The following CELF1 variants were observed in gnomAD, a reference collection of about 807,000 sequenced individuals.
CELF1 encodes 50 kDa nuclear polyadenylated RNA-binding protein.
A neutral mutation model predicts 61.8 loss-of-function variants in CELF1; 10 were observed. The observed-to-expected ratio is 0.16, with a 90% CI of 0.10 to 0.27. The LOEUF is 0.27. Among genes scored for constraint, CELF1 ranks in the 10% least tolerant of loss-of-function variants. The pLI, the probability that CELF1 is intolerant of heterozygous loss-of-function variation, is 1.00. For missense variants in CELF1, 380 were observed against 639.1 expected (o/e 0.59, Z 4.37); for synonymous variants, 236 against 225.1 (o/e 1.05, Z -0.43).
chr11:47,522,126 T>C (rs1390294154), intron 1 of CELF1, among the ~76,000 whole-genome samples: 1 of 151,992 alleles, frequency 6.6e-6, no homozygotes, highest in African/African-American at 2.4e-5. Context: ...TTGGTCAGGC[T>C]GGTCTTGAAC....
At chr11:47,506,278 T>C (rs2094487647) in intron 1 of CELF1, among the ~76,000 whole-genome samples, 1 of 150,610 alleles carries the variant, frequency 6.6e-6, no homozygotes, top group Non-Finnish European at 1.5e-5. Flanking sequence ...TACAAAACAT[T>C]AGCCAGGCGT....
chr11:47,540,983 G>GT (rs1403838182), intron 1 of CELF1, among the ~76,000 whole-genome samples: 1 of 152,142 alleles, frequency 6.6e-6, no homozygotes, highest in Non-Finnish European at 1.5e-5. Flanking sequence ...ATCTAGCATG[G>GT]TAAGTTAGCA....
intron 6 of CELF1, among the ~76,000 whole-genome samples, chr11:47,485,698 C>T (rs1302347290): frequency 6.6e-6 from 1 of 151,764 alleles, no homozygotes; most frequent in Non-Finnish European, 1.5e-5. Flanking sequence ...TCTCCTGTCT[C>T]AGCCTCCTGA....
chr11:47,507,200 G>C (rs1415654128), intron 1 of CELF1, among the ~76,000 whole-genome samples: 1 of 152,182 alleles, frequency 6.6e-6, no homozygotes, highest in African/African-American at 2.4e-5. Context: ...AAATTTATGA[G>C]GTTGAATTTC....
chr11:47,506,221 T>TA (rs1565847774), intron 1 of CELF1, among the ~76,000 whole-genome samples: 1 of 150,762 alleles, frequency 6.6e-6, no homozygotes, highest in Admixed American at 6.7e-5. Context: ...GGTCAAGAGA[T>TA]AGAGACCATC....
At chr11:47,541,698 G>A (rs370940695) in intron 1 of CELF1, among the ~76,000 whole-genome samples, 54,571 of 71,106 alleles carry the variant, frequency 0.77, 19,174 homozygotes, top group East Asian at 0.84. Context: ...AAGAAAGAAA[G>A]AAAGAAAGAA....
chr11:47,533,548 G>C (rs879917342), intron 1 of CELF1, among the ~76,000 whole-genome samples: 27 of 152,304 alleles, frequency 1.8e-4, no homozygotes, highest in Non-Finnish European at 2.9e-4. Flanking sequence ...CTTAAACTCC[G>C]GAAGGCGGAA....
At chr11:47,489,654 A>T (rs2089949312) in intron 3 of CELF1, among the ~76,000 whole-genome samples, 1 of 152,178 alleles carries the variant, frequency 6.6e-6, no homozygotes, top group Non-Finnish European at 1.5e-5. Flanking sequence ...GAACATAAAC[A>T]ATGTTACCAT....
intron 1 of CELF1, among the ~76,000 whole-genome samples, chr11:47,545,384 T>C (rs1178323231): frequency 2.0e-5 from 3 of 152,110 alleles, no homozygotes; most frequent in Admixed American, 6.6e-5. Flanking sequence ...TGAGCCGAGA[T>C]TGAACCACTG....
intron 1 of CELF1, among the ~76,000 whole-genome samples, chr11:47,506,372 T>C (rs1222478997): frequency 1.3e-5 from 2 of 151,608 alleles, no homozygotes; most frequent in Non-Finnish European, 2.9e-5. Flanking sequence ...GGGGTTGCAG[T>C]GAGCCAAGAT....
chr11:47,544,487 A>G (rs554277130), intron 1 of CELF1, among the ~76,000 whole-genome samples: 2 of 152,328 alleles, frequency 1.3e-5, no homozygotes, highest in South Asian at 4.1e-4. Flanking sequence ...TGTCACAGCT[A>G]TCCTTACCAG....
intron 1 of CELF1, among the ~76,000 whole-genome samples, chr11:47,530,060 T>C (rs2096412601): frequency 6.6e-6 from 1 of 152,194 alleles, no homozygotes; most frequent in Non-Finnish European, 1.5e-5. Flanking sequence ...CTAAAATTTT[T>C]AGGTTCTCAT....
upstream of CELF1, among the ~76,000 whole-genome samples, chr11:47,557,085 A>C (rs980555422): frequency 1.3e-5 from 2 of 151,790 alleles, no homozygotes; most frequent in African/African-American, 4.8e-5. Flanking sequence ...TTTTTAGTAG[A>C]GTCGGGGTTT....
At chr11:47,511,257 GT>G (rs1432071397) in intron 1 of CELF1, among the ~76,000 whole-genome samples, 1 of 151,866 alleles carries the variant, frequency 6.6e-6, no homozygotes, top group East Asian at 1.9e-4. Flanking sequence ...AAGCAGAACT[GT>G]TTTTCTCCTA....
chr11:47,561,520 A>T (rs1353127238), intron 2 of CELF1, among the ~76,000 whole-genome samples: 1 of 152,018 alleles, frequency 6.6e-6, no homozygotes, highest in Non-Finnish European at 1.5e-5. Context: ...TGAAAGACAG[A>T]TAATAAGTGT....
chr11:47,489,421 A>G (rs1284447922), intron 3 of CELF1, among the ~76,000 whole-genome samples: 1 of 152,272 alleles, frequency 6.6e-6, no homozygotes. Flanking sequence ...ACAAAGGACT[A>G]TTGATTACAA....
chr11:47,537,482 C>T (rs531902040), intron 1 of CELF1, among the ~76,000 whole-genome samples: 5 of 152,098 alleles, frequency 3.3e-5, no homozygotes, highest in East Asian at 3.9e-4. Context: ...CTCCTGACCT[C>T]GTGATCCACC....
chr11:47,487,080 AGT>A, intron 5 of CELF1, 77 bp downstream of exon 5: 1 of 1,156,572 alleles, frequency 8.6e-7, no homozygotes, highest in Non-Finnish European at 1.3e-6. Context: ...AATGGTTTTC[AGT>A]GTGTGTCTGA....
chr11:47,540,944 GGT>G (rs1381337242), intron 1 of CELF1, among the ~76,000 whole-genome samples: 1 of 152,012 alleles, frequency 6.6e-6, no homozygotes, highest in African/African-American at 2.4e-5. Context: ...AAATGGCACA[GGT>G]GTTTCTCACT....
Sources: gnomAD v4.1 joint callset for allele counts (sites outside exome capture counted in the v4.1 genomes callset) on GRCh38, gnomAD v4.1.1 for gene constraint, MANE v1.5 for transcripts, NCBI Gene and HGNC (gene_info 2026-07-23, HGNC 2026-07-21) for gene names.